Variants in PHIP observed in about 807,000 individuals in gnomAD.
PHIP encodes PHIP subunit of CUL4-Ring ligase complex.
A neutral mutation model predicts 236.8 loss-of-function variants in PHIP; 54 were observed. The ratio of observed to expected loss-of-function variants is 0.23; its 90% CI spans 0.18 to 0.29. PHIP has a LOEUF of 0.29. Among genes scored for constraint, PHIP ranks in the 10% least tolerant of loss-of-function variants. The probability of loss-of-function intolerance (pLI) is 1.00; values close to 1 mark genes in which losing one functional copy is unlikely to be tolerated. For synonymous variants in PHIP, 756 were observed against 718.9 expected (o/e 1.05, Z -0.83); for missense variants, 1,370 against 2,190.8 (o/e 0.63, Z 7.48).
Position 78,990,991 on chromosome 6 carries a change from A to G in PHIP, c.2202-6T>C. On this transcript the variant is annotated splice_region_variant and splice_polypyrimidine_tract_variant and intron_variant, in intron 19 of 39. Coordinates refer to ENST00000275034, the MANE Select transcript of PHIP (RefSeq NM_017934.7). ...TTCTCCATTCTTCTTGCCTACTGAAAGACAAAAGCCATATGCATTAATCTA... is the reference window on the plus strand; with the variant it reads ...TTCTCCATTCTTCTTGCCTACTGAAGGACAAAAGCCATATGCATTAATCTA... The G allele has an allele frequency of 6.5e-7, 1 of 1,547,222 alleles. No homozygotes were observed. The highest frequency in any genetic ancestry group is 8.9e-7 in the Non-Finnish European group (1 of 1,124,302).
At position 78,947,613 on chromosome 6, in the gene PHIP, A is replaced by G; in HGVS notation, c.4206+10T>C. ...ATCTAGTCATAAAAGAAAATAATGTAATTATATACCCTTGATCTTTTGCTT... is the reference window on the plus strand; with the variant it reads ...ATCTAGTCATAAAAGAAAATAATGTGATTATATACCCTTGATCTTTTGCTT... On this transcript the variant is annotated intron_variant, in intron 36 of 39. Transcript: ENST00000275034. 7.8e-7 allele frequency: 1 copy of G among 1,283,810 alleles called. No homozygotes were observed. The highest frequency in any genetic ancestry group is 1.1e-6 in the Non-Finnish European group (1 of 904,750). The allele number at this position is 1,283,810 out of a possible 1,614,324, so 79.5% of individuals were successfully genotyped here.
At chr6:78,956,357 C>G (rs1766415283) in intron 32 of PHIP, 2 of 152,136 alleles carry the variant, frequency 1.3e-5, no homozygotes, top group Non-Finnish European at 2.9e-5. Flanking sequence ...CTGTCCCTTT[C>G]TCACTTTCAT....
intron 9 of PHIP, among the ~76,000 whole-genome samples, chr6:79,021,173 G>C (rs889059225): frequency 6.6e-6 from 1 of 152,010 alleles, no homozygotes; most frequent in Admixed American, 6.6e-5. Flanking sequence ...TGGAGACAGA[G>C]GCTCACTCTG....
In PHIP at chr6:78,937,431, A is replaced by T. The variant is rs1773316090; in HGVS notation, c.*3262T>A. On this transcript the variant is annotated 3_prime_UTR_variant, in exon 40 of 40. Coordinates refer to ENST00000275034, the MANE Select transcript of PHIP (RefSeq NM_017934.7). ...GTCTGATTCCTCTACTGCACTGCAG[A>T]TGAGGGACAGTTCTAGATGTTAACA... is the stretch of plus-strand genomic sequence containing the variant. 1 of 151,742 alleles carries T rather than the reference A, an allele frequency of 6.6e-6. No homozygotes were observed. The highest frequency in any genetic ancestry group is 2.4e-5 in the African/African-American group (1 of 41,434). The allele number at this position is 151,742 out of a possible 1,614,324, so 9.4% of individuals were successfully genotyped here. A position where few individuals can be genotyped will look rare whatever the true frequency, so the allele number is the denominator to read the frequency against.
At chr6:78,952,207 T>G (rs1275166414) in intron 35 of PHIP, among the ~76,000 whole-genome samples, 1 of 151,824 alleles carries the variant, frequency 6.6e-6, no homozygotes, top group Non-Finnish European at 1.5e-5. Context: ...GATCACAAGG[T>G]CAAGAGATTG....
chr6:78,994,826 A>T (rs1769506671), intron 19 of PHIP, among the ~76,000 whole-genome samples: 1 of 152,242 alleles, frequency 6.6e-6, no homozygotes, highest in African/African-American at 2.4e-5. Flanking sequence ...AGAAGAGTAT[A>T]ATCACTGAAG....
chr6:79,040,769 C>T (rs905110326), intron 7 of PHIP, among the ~76,000 whole-genome samples: 2 of 152,076 alleles, frequency 1.3e-5, no homozygotes, highest in African/African-American at 4.8e-5. Context: ...CTCATATCTT[C>T]GTTATTTCTT....
At chr6:79,024,994 A>G (rs1481025395) in intron 9 of PHIP, among the ~76,000 whole-genome samples, 1 of 152,164 alleles carries the variant, frequency 6.6e-6, no homozygotes. Flanking sequence ...AAACCGAAGT[A>G]TTAATATGGG....
intron 6 of PHIP, among the ~76,000 whole-genome samples, chr6:79,048,115 CTCTCA>C (rs1227924633): frequency 2.0e-5 from 3 of 151,182 alleles, no homozygotes; most frequent in African/African-American, 7.3e-5. Context: ...TTGGGTATTC[CTCTCA>C]TAAGTCCACG....
At chr6:79,057,566 G>C (rs543174194) in intron 6 of PHIP, among the ~76,000 whole-genome samples, 1 of 151,850 alleles carries the variant, frequency 6.6e-6, no homozygotes, top group East Asian at 1.9e-4. Flanking sequence ...TTAATATTTG[G>C]GATCTATATT....
chr6:78,947,951 T>TCCC, intron 35 of PHIP, among the ~76,000 whole-genome samples, 176 bp from the exon 36 acceptor site: 1 of 150,858 alleles, frequency 6.6e-6, no homozygotes. Context: ...TATTTCATAC[T>TCCC]CCCCCCCCTT....
rs564167767 is a variant in PHIP at position 78,946,412 on chromosome 6, A to G, written c.4371-152T>C. On this transcript the variant is annotated intron_variant, in intron 37 of 39. Coordinates refer to ENST00000275034, the MANE Select transcript of PHIP (RefSeq NM_017934.7). The stretch of plus-strand genomic sequence containing the variant: ...GATTTCATATGATTGTGAGCCTTTG[A>G]AAGTGAATATTTAGTGAAGGATCGC... 9 of 1,402,590 alleles carry G rather than the reference A, an allele frequency of 6.4e-6. No homozygotes were observed. The East Asian group carries it at 2.0e-4, about 32-fold the overall frequency. The allele number at this position is 1,402,590 out of a possible 1,614,324, so 86.9% of individuals were successfully genotyped here.
intron 4 of PHIP, among the ~76,000 whole-genome samples, chr6:79,069,840 GAAT>G (rs1158239170): frequency 1.3e-5 from 2 of 151,666 alleles, no homozygotes; most frequent in African/African-American, 4.8e-5. Flanking sequence ...AAGTAATTGT[GAAT>G]AAACAAGCTT....
intron 17 of PHIP, 49 bp downstream of exon 17, chr6:79,001,850 G>T (rs1464271435): frequency 1.6e-6 from 2 of 1,219,054 alleles, no homozygotes; most frequent in South Asian, 1.2e-5. Context: ...AATTTTAACA[G>T]TTCGGTGGGA....
At chr6:79,054,014 T>G (rs984312584) in intron 6 of PHIP, among the ~76,000 whole-genome samples, 3 of 151,996 alleles carry the variant, frequency 2.0e-5, no homozygotes, top group Admixed American at 6.6e-5. Context: ...CCCTTTTTTT[T>G]GTCAACCATT....
chr6:78,956,312 G>A (rs1449295760), intron 32 of PHIP: 2 of 151,830 alleles, frequency 1.3e-5, no homozygotes, highest in African/African-American at 4.8e-5. Context: ...AGTGGTCAAG[G>A]GCTGTGAACT....
chr6:78,981,314 T>G (rs1380214345), intron 23 of PHIP, among the ~76,000 whole-genome samples: 1 of 151,986 alleles, frequency 6.6e-6, no homozygotes, highest in Non-Finnish European at 1.5e-5. Flanking sequence ...GGAAATACTT[T>G]TATGTTTATT....
In PHIP at chr6:78,970,937, C is replaced by T. The variant is rs912888618; in HGVS notation, c.2890-49G>A. The stretch of plus-strand genomic sequence containing the variant: ...ACAACCTGGATGTGTTTCCTTTAAT[C>T]CAATATACAGGGTATCAGCTGAAAT... On this transcript the variant is annotated intron_variant, in intron 24 of 39. Coordinates refer to ENST00000275034, the MANE Select transcript of PHIP (RefSeq NM_017934.7). 1.6e-5 allele frequency: 20 copies of T among 1,242,606 alleles called. No individual in the cohort carries two copies. In the African/African-American group the frequency reaches 3.0e-4, roughly 19 times the overall value. The allele number at this position is 1,242,606 out of a possible 1,614,324, so 77.0% of individuals were successfully genotyped here. A position where few individuals can be genotyped will look rare whatever the true frequency, so the allele number is the denominator to read the frequency against.
At chr6:79,022,878 A>G (rs1002835971) in intron 9 of PHIP, among the ~76,000 whole-genome samples, 1 of 152,210 alleles carries the variant, frequency 6.6e-6, no homozygotes, top group African/African-American at 2.4e-5. Flanking sequence ...CAGGATTTCT[A>G]AAGTCATTTC....
Sources: gnomAD v4.1 joint callset for allele counts (sites outside exome capture counted in the v4.1 genomes callset) on GRCh38, gnomAD v4.1.1 for gene constraint, MANE v1.5 for transcripts, NCBI Gene and HGNC (gene_info 2026-07-23, HGNC 2026-07-21) for gene names.